Variants in NOL10 observed in about 807,000 individuals in gnomAD.
NOL10 encodes the protein H_NH0074G24.1.
A neutral mutation model predicts 103.5 loss-of-function variants in NOL10; 58 were observed. The ratio of observed to expected loss-of-function variants is 0.56; its 90% CI spans 0.45 to 0.70. The LOEUF is 0.70. NOL10 is among the 30% of genes least tolerant of loss of function. The pLI is 0.00. For missense variants in NOL10, 763 were observed against 807.3 expected (o/e 0.95, Z 0.67); for synonymous variants, 287 against 282.5 (o/e 1.02, Z -0.16).
chr2:10,670,457 G>A (rs992186785), intron 6 of NOL10, among the ~76,000 whole-genome samples: 16 of 152,034 alleles, frequency 1.1e-4, no homozygotes, highest in Admixed American at 4.6e-4. Context: ...AAACAGGGCC[G>A]GGCACCGTGG....
At position 10,572,147 on chromosome 2, in the gene NOL10, C is replaced by A; in HGVS notation, c.1991G>T (p.Arg664Leu). ...KKQQEAEKLH[R>L]QERKRLRRSA... ...ACGACGGAGTCTTTTCCTTTCTTGT[C>A]GATGCAGTTTCTCAGCCTCCTGTTG... Residue 664 changes from arginine to leucine, a missense_variant, in exon 21 of 21, where the codon CGA (arginine) becomes CTA (leucine). Transcript: ENST00000381685. The A allele has an allele frequency of 6.2e-7, 1 of 1,613,888 alleles. No individual in the cohort carries two copies. Among genetic ancestry groups the A allele is most frequent in the Non-Finnish European group, 8.5e-7 (1 of 1,179,850 alleles).
chr2:10,678,810 C>T (rs1179732752), intron 3 of NOL10, among the ~76,000 whole-genome samples: 4 of 152,038 alleles, frequency 2.6e-5, no homozygotes. Flanking sequence ...TTTCCCCTAC[C>T]AATACCAGAA....
rs1558329886 is a variant in NOL10 at position 10,657,907 on chromosome 2, TTC to T, written c.757-18_757-17del. The stretch of plus-strand genomic sequence containing the variant: ...ATAATAAAACCTGAAAAAAAATTAT[TTC>T]TGTTTAAACAAACTAGACATTTTAT... On this transcript the variant is annotated splice_polypyrimidine_tract_variant and intron_variant, in intron 10 of 20. Transcript: ENST00000381685. 9 of 1,500,902 alleles carry T rather than the reference TTC, an allele frequency of 6.0e-6. No individual in the cohort carries two copies. Among genetic ancestry groups the T allele is most frequent in the East Asian group, 2.5e-5 (1 of 40,224 alleles). 93.0% of individuals were successfully genotyped at this position (1,500,902 alleles called of 1,614,324 possible). A position where few individuals can be genotyped will look rare whatever the true frequency, so the allele number is the denominator to read the frequency against.
chr2:10,658,445 C>A (rs140747221), intron 10 of NOL10, among the ~76,000 whole-genome samples: 239 of 152,216 alleles, frequency 1.6e-3, no homozygotes, highest in African/African-American at 5.5e-3. Flanking sequence ...GGGTTTCAGA[C>A]CTCTTGTAGG....
chr2:10,634,533 T>A, intron 13 of NOL10: 1 of 456,716 alleles, frequency 2.2e-6, no homozygotes, highest in Non-Finnish European at 4.4e-6. Flanking sequence ...CTGGTGGATA[T>A]GTACCTCTGT....
intron 14 of NOL10, 80 bp downstream of exon 14, chr2:10,607,105 G>T: frequency 1.1e-6 from 1 of 937,546 alleles, no homozygotes; most frequent in Non-Finnish European, 1.5e-6. Flanking sequence ...ACATGGCTCA[G>T]CCAATTCTCA....
chr2:10,620,028 C>T (rs534748494), intron 13 of NOL10, among the ~76,000 whole-genome samples: 5 of 152,306 alleles, frequency 3.3e-5, no homozygotes, highest in East Asian at 1.9e-4. Context: ...AAAGGCACTA[C>T]GCCAATTTTT....
intron 12 of NOL10, among the ~76,000 whole-genome samples, chr2:10,644,849 T>C (rs1678942850): frequency 6.6e-6 from 1 of 152,216 alleles, no homozygotes. Context: ...TATAAGTACA[T>C]TATTATTTGG....
At chr2:10,577,422 A>G (rs10929677) in intron 20 of NOL10, among the ~76,000 whole-genome samples, 52,234 of 152,004 alleles carry the variant, frequency 0.34, 9,396 homozygotes, top group Non-Finnish European at 0.4. Flanking sequence ...TCTCCCTTGG[A>G]ACACCAGTGA....
At chr2:10,654,002 G>A (rs2148305071) in intron 12 of NOL10, among the ~76,000 whole-genome samples, 1 of 152,156 alleles carries the variant, frequency 6.6e-6, no homozygotes, top group Non-Finnish European at 1.5e-5. Flanking sequence ...TGAATGCACT[G>A]TTAAATTTTG....
chr2:10,631,308 C>T (rs569903455), intron 13 of NOL10, among the ~76,000 whole-genome samples: 1 of 152,294 alleles, frequency 6.6e-6, no homozygotes, highest in African/African-American at 2.4e-5. Context: ...ATGACGTGTA[C>T]AGCACTCCCA....
intron 13 of NOL10, among the ~76,000 whole-genome samples, chr2:10,642,915 T>A (rs568265560): frequency 6.6e-6 from 1 of 152,304 alleles, no homozygotes; most frequent in East Asian, 1.9e-4. Context: ...CCTACTTTCT[T>A]GTTGGATTCC....
chr2:10,663,899 C>T (rs1299783103), intron 8 of NOL10, among the ~76,000 whole-genome samples: 4 of 149,214 alleles, frequency 2.7e-5, no homozygotes, highest in African/African-American at 4.9e-5. Context: ...TGCAGTGAGC[C>T]GAGATCGCAC....
At chr2:10,663,572 A>T (rs1246628741) in intron 8 of NOL10, among the ~76,000 whole-genome samples, 1 of 152,170 alleles carries the variant, frequency 6.6e-6, no homozygotes, top group South Asian at 2.1e-4. Context: ...GGGAAAAGAA[A>T]ATGCAAAATA....
In NOL10 at chr2:10,571,070, A is replaced by G. The variant is rs1206704663; in HGVS notation, c.*1001T>C. On this transcript the variant is annotated 3_prime_UTR_variant, in exon 21 of 21. Coordinates refer to ENST00000381685, the MANE Select transcript of NOL10 (RefSeq NM_024894.4). ...AAAGCTCTAATGAGCATTTTCCTCCAATGTCATGTCAGTGCTTGATATGGT... is the reference window on the plus strand; with the variant it reads ...AAAGCTCTAATGAGCATTTTCCTCCGATGTCATGTCAGTGCTTGATATGGT... The G allele has an allele frequency of 1.3e-5, 2 of 152,214 alleles. No individual in the cohort carries two copies. Among genetic ancestry groups the G allele is most frequent in the East Asian group, 3.8e-4 (2 of 5,200 alleles). 9.4% of individuals were successfully genotyped at this position (152,214 alleles called of 1,614,324 possible). A position where few individuals can be genotyped will look rare whatever the true frequency, so the allele number is the denominator to read the frequency against.
At chr2:10,658,635 C>T (rs1028692470) in intron 10 of NOL10, among the ~76,000 whole-genome samples, 1 of 152,108 alleles carries the variant, frequency 6.6e-6, no homozygotes, top group African/African-American at 2.4e-5. Flanking sequence ...TATTTCTTGT[C>T]TGCAAGAATT....
At chr2:10,667,084 T>C (rs1680615930) in intron 8 of NOL10, 134 bp downstream of exon 8, 1 of 618,986 alleles carries the variant, frequency 1.6e-6, no homozygotes, top group South Asian at 2.0e-5. Context: ...TTACTGAATG[T>C]TACTCTACAG....
Position 10,589,648 on chromosome 2 carries a change from A to C in NOL10, c.1526T>G (p.Leu509Arg). 1 of 1,591,878 alleles carries C rather than the reference A, an allele frequency of 6.3e-7. No homozygotes were observed. The highest frequency in any genetic ancestry group is 8.5e-7 in the Non-Finnish European group (1 of 1,171,216). ...ESEEFRLLNPLVSKISEKRKK... is the reference protein window; with the variant it reads ...ESEEFRLLNPRVSKISEKRKK... ...CCTTTTTTCACTAATTTTTGAAACA[A>C]GTGGATTCAGAAGCCTAAATTCTTC... Residue 509 changes from leucine (L) to arginine (R), a missense_variant, in exon 18 of 21, where the codon CTT becomes CGT. Transcript: ENST00000381685.
intron 13 of NOL10, among the ~76,000 whole-genome samples, chr2:10,615,444 CAG>C (rs1379733691): frequency 2.0e-5 from 3 of 152,114 alleles, no homozygotes; most frequent in African/African-American, 7.2e-5. Flanking sequence ...ATACACATGA[CAG>C]AGTGCCTTCA....
Sources: gnomAD v4.1 joint callset for allele counts (sites outside exome capture counted in the v4.1 genomes callset) on GRCh38, gnomAD v4.1.1 for gene constraint, MANE v1.5 for transcripts, NCBI Gene and HGNC (gene_info 2026-07-23, HGNC 2026-07-21) for gene names.